LTBP1: variants seen among roughly 807,000 people sequenced by gnomAD.
LTBP1 encodes latent transforming growth factor beta binding protein 1, also known as latent-transforming growth factor beta-binding protein 1.
LTBP1 carries 129 observed loss-of-function variants against 207.6 expected under a neutral mutation model. That is an observed-to-expected ratio of 0.62 (90% CI 0.54 to 0.72). LTBP1 has a LOEUF of 0.72. Among genes scored for constraint, LTBP1 ranks in the 30% least tolerant of loss-of-function variants. LTBP1 has a pLI of 0.00. For synonymous variants in LTBP1, 963 were observed against 833.7 expected (o/e 1.16, Z -2.67); for missense variants, 2,281 against 2,217.2 (o/e 1.03, Z -0.58).
chr2:32,950,675 G>T (rs1288193877), intron 2 of LTBP1, among the ~76,000 whole-genome samples: 1 of 152,140 alleles, frequency 6.6e-6, no homozygotes, highest in Non-Finnish European at 1.5e-5. Flanking sequence ...AGATTGCAGT[G>T]AGCAGAGATT....
chr2:33,014,332 A>G (rs565612987), intron 2 of LTBP1, among the ~76,000 whole-genome samples: 1 of 152,230 alleles, frequency 6.6e-6, no homozygotes, highest in Admixed American at 6.5e-5. Context: ...AACAGCATTT[A>G]TTTGGATTTG....
chr2:33,210,304 T>C (rs2090211659), intron 7 of LTBP1, among the ~76,000 whole-genome samples: 1 of 152,234 alleles, frequency 6.6e-6, no homozygotes, highest in Admixed American at 6.5e-5. Flanking sequence ...TCATCTAATT[T>C]CAAATTTTTG....
At chr2:33,309,299 T>G in intron 22 of LTBP1, 135 bp from the exon 23 acceptor site, 1 of 569,702 alleles carries the variant, frequency 1.8e-6, no homozygotes, top group Non-Finnish European at 2.8e-6. Flanking sequence ...AAAAAAAAAG[T>G]TAAAAAGTTG....
chr2:32,965,112 T>G (rs191009558), intron 2 of LTBP1, among the ~76,000 whole-genome samples: 1 of 152,250 alleles, frequency 6.6e-6, no homozygotes, highest in East Asian at 1.9e-4. Flanking sequence ...CATAGAATAA[T>G]GAAGACAAAG....
intron 25 of LTBP1, among the ~76,000 whole-genome samples, 184 bp downstream of exon 25, chr2:33,343,147 A>G (rs1474969553): frequency 6.6e-6 from 1 of 152,070 alleles, no homozygotes; most frequent in Non-Finnish European, 1.5e-5. Flanking sequence ...CACGGTTGTA[A>G]CCCCAGCACT....
intron 5 of LTBP1, among the ~76,000 whole-genome samples, chr2:33,169,988 G>T (rs1037237824): frequency 6.6e-6 from 1 of 152,158 alleles, no homozygotes; most frequent in Non-Finnish European, 1.5e-5. Context: ...TAGTAAATTG[G>T]TAAAAATATT....
At chr2:33,066,384 C>A (rs1055626159) in intron 3 of LTBP1, among the ~76,000 whole-genome samples, 1 of 152,114 alleles carries the variant, frequency 6.6e-6, no homozygotes, top group Admixed American at 6.6e-5. Context: ...ATCATAGTTA[C>A]CACATTTAAT....
chr2:33,053,808 G>A (rs111737248), intron 3 of LTBP1, among the ~76,000 whole-genome samples: 1,823 of 152,296 alleles, frequency 0.012, 11 homozygotes, highest in Non-Finnish European at 0.017. Flanking sequence ...CCCTTGATTA[G>A]CTAGAAAGTT....
intron 9 of LTBP1, among the ~76,000 whole-genome samples, chr2:33,233,914 T>A (rs553461459): frequency 6.6e-6 from 1 of 152,118 alleles, no homozygotes; most frequent in Non-Finnish European, 1.5e-5. Context: ...AGCCATTGTG[T>A]TAAGTACATT....
chr2:33,329,521 T>C (rs1008808110), intron 24 of LTBP1, among the ~76,000 whole-genome samples: 2 of 152,138 alleles, frequency 1.3e-5, no homozygotes, highest in African/African-American at 4.8e-5. Context: ...CTTTATTGTT[T>C]CACATTTTAA....
chr2:33,347,517 C>T lies in LTBP1; in HGVS notation c.4000+7C>T, dbSNP rs367609235. ...CGCTCCCGGACCTCCACAGGTAAGTCCCAGTGACACTGTGCAAGGGAATGA... is the reference window on the plus strand; with the variant it reads ...CGCTCCCGGACCTCCACAGGTAAGTTCCAGTGACACTGTGCAAGGGAATGA... On this transcript the variant is annotated splice_region_variant and intron_variant, in intron 26 of 33. Coordinates refer to ENST00000404816, the MANE Select transcript of LTBP1 (RefSeq NM_206943.4). 1 of 1,613,828 alleles carries T rather than the reference C, an allele frequency of 6.2e-7. No individual in the cohort carries two copies. Among genetic ancestry groups the T allele is most frequent in the Non-Finnish European group, 8.5e-7 (1 of 1,179,994 alleles).
intron 3 of LTBP1, among the ~76,000 whole-genome samples, chr2:33,069,825 G>A (rs1351275022): frequency 2.0e-5 from 3 of 152,166 alleles, no homozygotes; most frequent in Non-Finnish European, 4.4e-5. Context: ...GGGAGTGGGT[G>A]GGCACAGTGC....
At chr2:33,218,727 G>T (rs569443215) in intron 8 of LTBP1, among the ~76,000 whole-genome samples, 2 of 152,234 alleles carry the variant, frequency 1.3e-5, no homozygotes, top group East Asian at 3.9e-4. Context: ...GAGGTGACTG[G>T]GTTTAAGTTG....
At chr2:33,239,560 T>G (rs1474987968) in intron 9 of LTBP1, among the ~76,000 whole-genome samples, 2 of 152,086 alleles carry the variant, frequency 1.3e-5, no homozygotes, top group Non-Finnish European at 2.9e-5. Context: ...TTGATTTAGT[T>G]AGAATCTGTT....
At chr2:33,280,197 C>G (rs752085158) in intron 19 of LTBP1, 39 bp downstream of exon 19, 1 of 1,573,676 alleles carries the variant, frequency 6.4e-7, no homozygotes, top group Non-Finnish European at 8.6e-7. Flanking sequence ...TTTGTTTCTT[C>G]TGCATGGCCC....
chr2:32,967,481 C>T (rs1558449985), intron 2 of LTBP1, among the ~76,000 whole-genome samples: 3 of 152,084 alleles, frequency 2.0e-5, no homozygotes, highest in Non-Finnish European at 4.4e-5. Flanking sequence ...CTAAACACTG[C>T]TTTCACTGTA....
chr2:33,098,110 T>C (rs1219953677), intron 3 of LTBP1, among the ~76,000 whole-genome samples: 1 of 152,212 alleles, frequency 6.6e-6, no homozygotes, highest in Admixed American at 6.5e-5. Context: ...CCCATGACAA[T>C]AGTTCTTTTA....
chr2:33,224,715 A>C (rs1252942836), intron 9 of LTBP1, among the ~76,000 whole-genome samples: 1 of 152,140 alleles, frequency 6.6e-6, no homozygotes, highest in East Asian at 1.9e-4. Flanking sequence ...ATTAATATGA[A>C]ATGTTTTCCT....
chr2:33,240,850 C>G (rs902398347), intron 9 of LTBP1, among the ~76,000 whole-genome samples: 3 of 151,950 alleles, frequency 2.0e-5, no homozygotes, highest in African/African-American at 7.3e-5. Flanking sequence ...CGGGGTTTCA[C>G]TGTGTTAGCC....
Sources: allele counts gnomAD v4.1 joint callset (sites outside exome capture counted in the v4.1 genomes callset), GRCh38; gene constraint gnomAD v4.1.1; transcripts MANE v1.5; gene names NCBI Gene and HGNC (gene_info 2026-07-23, HGNC 2026-07-21).